The following EHHADH variants were observed in gnomAD, a reference collection of about 807,000 sequenced individuals.
The protein encoded by EHHADH is peroxisomal bifunctional enzyme.
EHHADH carries 48 observed loss-of-function variants against 64.4 expected under a neutral mutation model. The observed-to-expected ratio is 0.75, with a 90% confidence interval of 0.59 to 0.95. EHHADH has a LOEUF of 0.95. Among genes scored for constraint, EHHADH ranks in the 40% least tolerant of loss-of-function variants. The pLI is 0.00. For missense variants in EHHADH, 854 were observed against 876.6 expected (o/e 0.97, Z 0.33); for synonymous variants, 308 against 326.7 (o/e 0.94, Z 0.62).
intron 1 of EHHADH, among the ~76,000 whole-genome samples, chr3:185,249,349 C>T (rs1397775721): frequency 1.3e-5 from 2 of 152,128 alleles, no homozygotes; most frequent in African/African-American, 2.4e-5. Context: ...AGGATGTTCT[C>T]GATCTCTTGA....
At chr3:185,221,008 T>C (rs1718818429) in intron 4 of EHHADH, among the ~76,000 whole-genome samples, 1 of 152,252 alleles carries the variant, frequency 6.6e-6, no homozygotes, top group South Asian at 2.1e-4. Context: ...CATCATATTC[T>C]TACTGTTTTT....
rs1718321224 is a variant in EHHADH at position 185,204,408 on chromosome 3, G to C, written c.910+8C>G. 1 of 1,590,386 alleles carries C rather than the reference G, an allele frequency of 6.3e-7. No homozygotes were observed. Among genetic ancestry groups the C allele is most frequent in the Non-Finnish European group, 8.6e-7 (1 of 1,168,456 alleles). ...TGGAGGATTCCATTCATTACCCCAT[G>C]GTCTTACCAACAACACCAACTGAGG... On this transcript the variant is annotated splice_region_variant and intron_variant, in intron 6 of 6. Transcript: ENST00000231887.
At chr3:185,200,755 G>T (rs1225140209) in intron 6 of EHHADH, among the ~76,000 whole-genome samples, 2 of 152,188 alleles carry the variant, frequency 1.3e-5, no homozygotes, top group Non-Finnish European at 2.9e-5. Flanking sequence ...ACATTCCCCT[G>T]TCCTGACAGG....
intron 1 of EHHADH, among the ~76,000 whole-genome samples, chr3:185,250,101 C>T (rs1261527204): frequency 6.6e-6 from 1 of 152,208 alleles, no homozygotes; most frequent in Non-Finnish European, 1.5e-5. Context: ...CAGGGCACTG[C>T]TGTGAGAGAA....
chr3:185,227,760 AG>A (rs1368260346), intron 4 of EHHADH, among the ~76,000 whole-genome samples: 1 of 152,178 alleles, frequency 6.6e-6, no homozygotes, highest in African/African-American at 2.4e-5. Flanking sequence ...TGGGAGGCGG[AG>A]GTTGTGGTGA....
At chr3:185,241,821 CTT>C (rs1719461454) in intron 2 of EHHADH, among the ~76,000 whole-genome samples, 1 of 152,054 alleles carries the variant, frequency 6.6e-6, no homozygotes, top group African/African-American at 2.4e-5. Context: ...AACTATTTAT[CTT>C]TGTTTTTATT....
chr3:185,214,389 C>G (rs552012668), intron 5 of EHHADH, among the ~76,000 whole-genome samples: 3 of 152,278 alleles, frequency 2.0e-5, no homozygotes, highest in Admixed American at 2.0e-4. Context: ...GTTAAGGTCC[C>G]GTAGCTAAAG....
At chr3:185,205,614 A>G (rs534644917) in intron 5 of EHHADH, among the ~76,000 whole-genome samples, 1 of 152,298 alleles carries the variant, frequency 6.6e-6, no homozygotes, top group Non-Finnish European at 1.5e-5. Context: ...TTTTATTTTA[A>G]AACAAAGAAT....
chr3:185,217,069 CTG>C (rs1718699831), intron 5 of EHHADH, among the ~76,000 whole-genome samples: 1 of 152,090 alleles, frequency 6.6e-6, no homozygotes, highest in Non-Finnish European at 1.5e-5. Context: ...ATTATAGAGC[CTG>C]TGATATGGTT....
In EHHADH at chr3:185,211,523, T is replaced by C. The variant is rs571366983; in HGVS notation, c.568+6613A>G. ...GGCTAAAGAGAGACTCAACATGCGGTTCACGGAAATCGTGAACACAGACAT... is the reference window on the plus strand; with the variant it reads ...GGCTAAAGAGAGACTCAACATGCGGCTCACGGAAATCGTGAACACAGACAT... On this transcript the variant is annotated intron_variant, in intron 5 of 6. Transcript: ENST00000231887. Among the ~76,000 whole-genome samples, 10 of 152,166 alleles carry C rather than the reference T, an allele frequency of 6.6e-5. No homozygotes were observed. In the South Asian group the frequency reaches 2.1e-3, roughly 32 times the overall value.
chr3:185,222,376 C>A (rs1718860894), intron 4 of EHHADH, among the ~76,000 whole-genome samples: 2 of 151,838 alleles, frequency 1.3e-5, no homozygotes, highest in Middle Eastern at 6.8e-3. Context: ...GTGGGAGATA[C>A]CATCTCAGAA....
At chr3:185,227,440 G>A (rs1025989120) in intron 4 of EHHADH, among the ~76,000 whole-genome samples, 4 of 152,050 alleles carry the variant, frequency 2.6e-5, no homozygotes, top group South Asian at 2.1e-4. Flanking sequence ...GCTGAGGCAG[G>A]AGAATTGCGT....
intron 6 of EHHADH, among the ~76,000 whole-genome samples, chr3:185,199,405 TG>T (rs986251951): frequency 3.9e-5 from 6 of 152,086 alleles, no homozygotes; most frequent in African/African-American, 1.4e-4. Flanking sequence ...GGGGGAAATG[TG>T]GGTTCTTGGA....
intron 6 of EHHADH, among the ~76,000 whole-genome samples, chr3:185,197,585 T>A (rs1718099662): frequency 6.6e-6 from 1 of 152,240 alleles, no homozygotes. Context: ...CTTAGCAGTA[T>A]GTCCTCATGG....
At chr3:185,209,359 A>G (rs1718479181) in intron 5 of EHHADH, among the ~76,000 whole-genome samples, 1 of 152,208 alleles carries the variant, frequency 6.6e-6, no homozygotes. Flanking sequence ...TATTTTAAAA[A>G]ATAACTTTAC....
intron 4 of EHHADH, among the ~76,000 whole-genome samples, chr3:185,229,067 A>C (rs933819955): frequency 6.6e-6 from 1 of 152,190 alleles, no homozygotes; most frequent in African/African-American, 2.4e-5. Flanking sequence ...AAGTGCTGGG[A>C]TTACAGGCAT....
At chr3:185,235,732 T>C (rs1426401604) in intron 2 of EHHADH, among the ~76,000 whole-genome samples, 1 of 152,112 alleles carries the variant, frequency 6.6e-6, no homozygotes, top group Non-Finnish European at 1.5e-5. Flanking sequence ...AAAATCTATC[T>C]TTCCATATAA....
chr3:185,252,321 AC>A (rs1412956052), intron 1 of EHHADH, among the ~76,000 whole-genome samples: 1 of 151,600 alleles, frequency 6.6e-6, no homozygotes, highest in Non-Finnish European at 1.5e-5. Context: ...AATCACTTGA[AC>A]CCGGGAGGCA....
chr3:185,241,941 T>A (rs1449770477), intron 2 of EHHADH, among the ~76,000 whole-genome samples: 1 of 152,218 alleles, frequency 6.6e-6, no homozygotes, highest in Non-Finnish European at 1.5e-5. Context: ...GTTTTATATT[T>A]AAGTCCTTGA....
Sources: gnomAD v4.1 joint callset for allele counts (sites outside exome capture counted in the v4.1 genomes callset) on GRCh38, gnomAD v4.1.1 for gene constraint, MANE v1.5 for transcripts, NCBI Gene and HGNC (gene_info 2026-07-23, HGNC 2026-07-21) for gene names.